Variants in RAB27B observed in about 807,000 individuals in gnomAD.
RAB27B encodes the protein RAB27B, member RAS oncogene family, also known as ras-related protein Rab-27B.
RAB27B carries 15 observed loss-of-function variants against 24.6 expected under a neutral mutation model. The ratio of observed to expected loss-of-function variants is 0.61; its 90% CI spans 0.41 to 0.94. The LOEUF (loss-of-function observed/expected upper bound fraction) is 0.94, where lower values mean the gene tolerates loss of function less well. Among genes scored for constraint, RAB27B ranks in the 40% least tolerant of loss-of-function variants. The probability of loss-of-function intolerance (pLI) is 0.00; values close to 1 mark genes in which losing one functional copy is unlikely to be tolerated. For synonymous variants in RAB27B, 105 were observed against 92.5 expected (o/e 1.14, Z -0.78); for missense variants, 261 against 266.8 (o/e 0.98, Z 0.15).
chr18:54,876,397 T>TGATTC (rs1171510477), intron 1 of RAB27B, among the ~76,000 whole-genome samples: 9 of 152,204 alleles, frequency 5.9e-5, no homozygotes, highest in Admixed American at 5.2e-4. Flanking sequence ...GCTTCAAGAA[T>TGATTC]ACAGTGTTTT....
intron 2 of RAB27B, among the ~76,000 whole-genome samples, chr18:54,723,279 C>T (rs902960804): frequency 1.3e-5 from 2 of 152,184 alleles, no homozygotes; most frequent in Non-Finnish European, 2.9e-5. Context: ...CTCTGAGGTG[C>T]CCCACCGGCG....
chr18:54,733,834 G>T (rs938180153), intron 2 of RAB27B, among the ~76,000 whole-genome samples: 2 of 150,172 alleles, frequency 1.3e-5, no homozygotes, highest in African/African-American at 4.9e-5. Flanking sequence ...GTGTAGATTT[G>T]GTTGCTACAG....
Position 54,859,665 on chromosome 18 carries a change from A to G in RAB27B, c.-19-17902A>G, listed in dbSNP as rs1315908905. The stretch of plus-strand genomic sequence containing the variant: ...GCAGGAAAGGTGGTCATAGCTGTAA[A>G]TGTCTTTGTGCTAATGATGACTTTT... On this transcript the variant is annotated intron_variant, in intron 1 of 5. Transcript: ENST00000262094. Among the ~76,000 whole-genome samples, 4 of 152,232 alleles carry G rather than the reference A, an allele frequency of 2.6e-5. No individual in the cohort carries two copies. In the East Asian group the frequency reaches 7.7e-4, roughly 29 times the overall value.
intron 2 of RAB27B, among the ~76,000 whole-genome samples, chr18:54,783,033 C>A (rs1013300102): frequency 6.6e-6 from 1 of 152,162 alleles, no homozygotes; most frequent in Non-Finnish European, 1.5e-5. Context: ...TCTCAGCTCA[C>A]CACAACCTCC....
chr18:54,853,794 A>G (rs1323697957), intron 1 of RAB27B, among the ~76,000 whole-genome samples: 1 of 152,064 alleles, frequency 6.6e-6, no homozygotes, highest in Non-Finnish European at 1.5e-5. Flanking sequence ...GTTAGTTTAG[A>G]AAATTCCTTT....
At chr18:54,750,655 C>T (rs1033425231) in intron 2 of RAB27B, among the ~76,000 whole-genome samples, 14 of 152,076 alleles carry the variant, frequency 9.2e-5, no homozygotes, top group African/African-American at 3.4e-4. Flanking sequence ...TTTTTGAGTG[C>T]CAGGCTCTGT....
chr18:54,864,237 C>T (rs1409043562), intron 1 of RAB27B, among the ~76,000 whole-genome samples: 1 of 152,134 alleles, frequency 6.6e-6, no homozygotes, highest in Non-Finnish European at 1.5e-5. Context: ...GCAGTTTTGA[C>T]CCATACTTTT....
chr18:54,803,477 T>A (rs1909674113), intron 2 of RAB27B, among the ~76,000 whole-genome samples: 1 of 152,248 alleles, frequency 6.6e-6, no homozygotes, highest in East Asian at 1.9e-4. Flanking sequence ...CTAAACATGA[T>A]CAGTAGACAG....
intron 2 of RAB27B, among the ~76,000 whole-genome samples, chr18:54,806,845 A>T (rs1909806068): frequency 6.6e-6 from 1 of 152,194 alleles, no homozygotes; most frequent in Admixed American, 6.5e-5. Context: ...TAAGTCACTT[A>T]AAGCAAAAAT....
chr18:54,894,722 A>G lies in RAB27B; in HGVS notation c.*5309A>G, dbSNP rs1265402959. ...CGTGTCAGGCTCAAAGGAGATATGTATAAGAAAGTGGTTTGTAAATTATGT... is the reference window on the plus strand; with the variant it reads ...CGTGTCAGGCTCAAAGGAGATATGTGTAAGAAAGTGGTTTGTAAATTATGT... On this transcript the variant is annotated 3_prime_UTR_variant, in exon 6 of 6. Transcript: ENST00000262094. 6.6e-6 allele frequency: 1 copy of G among 152,068 alleles called. No homozygotes were observed. Among genetic ancestry groups the G allele is most frequent in the Non-Finnish European group, 1.5e-5 (1 of 67,968 alleles). 9.4% of individuals were successfully genotyped at this position (152,068 alleles called of 1,614,324 possible).
At chr18:54,771,989 A>G (rs1331733911) in intron 2 of RAB27B, among the ~76,000 whole-genome samples, 2 of 152,206 alleles carry the variant, frequency 1.3e-5, no homozygotes, top group African/African-American at 4.8e-5. Context: ...ATTTGAACAC[A>G]TTGACTCACA....
At chr18:54,741,726 C>A (rs778866289) in intron 2 of RAB27B, among the ~76,000 whole-genome samples, 1 of 152,036 alleles carries the variant, frequency 6.6e-6, no homozygotes, top group Admixed American at 6.6e-5. Context: ...TGGTCTTGAA[C>A]TCTGGGCTCA....
At chr18:54,877,303 T>A (rs534316651) in intron 1 of RAB27B, among the ~76,000 whole-genome samples, 1 of 152,184 alleles carries the variant, frequency 6.6e-6, no homozygotes, top group Non-Finnish European at 1.5e-5. Flanking sequence ...TACAGCAGCA[T>A]GAGAACAGAC....
chr18:54,810,880 A>G (rs1356022886), intron 2 of RAB27B, among the ~76,000 whole-genome samples: 1 of 145,902 alleles, frequency 6.9e-6, no homozygotes, highest in Non-Finnish European at 1.5e-5. Context: ...AAATAAATAA[A>G]TAAGAAAACC....
intron 2 of RAB27B, among the ~76,000 whole-genome samples, chr18:54,739,059 T>G (rs2145006339): frequency 6.6e-6 from 1 of 152,344 alleles, no homozygotes; most frequent in South Asian, 2.1e-4. Context: ...ATATGTATGC[T>G]TTTGTGTATG....
chr18:54,791,866 C>T (rs575587013), intron 2 of RAB27B, among the ~76,000 whole-genome samples: 3 of 152,292 alleles, frequency 2.0e-5, no homozygotes, highest in East Asian at 1.9e-4. Flanking sequence ...GCCATCAACC[C>T]GCGGGACGAG....
At chr18:54,746,892 A>T (rs1021551543) in intron 2 of RAB27B, among the ~76,000 whole-genome samples, 2 of 152,218 alleles carry the variant, frequency 1.3e-5, no homozygotes, top group Admixed American at 1.3e-4. Flanking sequence ...CTCAAGTAAC[A>T]TACTAACTTA....
At chr18:54,776,347 G>A (rs779996880) in intron 2 of RAB27B, among the ~76,000 whole-genome samples, 3 of 152,226 alleles carry the variant, frequency 2.0e-5, no homozygotes, top group South Asian at 4.1e-4. Context: ...CAGGCAGAAA[G>A]CAGGAGCAGC....
chr18:54,796,383 C>T (rs1475337336), intron 2 of RAB27B, among the ~76,000 whole-genome samples: 1 of 152,236 alleles, frequency 6.6e-6, no homozygotes, highest in Non-Finnish European at 1.5e-5. Context: ...AGTATGACAG[C>T]TGTCTGTATC....
Sources: allele counts gnomAD v4.1 joint callset (sites outside exome capture counted in the v4.1 genomes callset), GRCh38; gene constraint gnomAD v4.1.1; transcripts MANE v1.5; gene names NCBI Gene and HGNC (gene_info 2026-07-23, HGNC 2026-07-21).